Variants in ZNF662 observed in about 807,000 individuals in gnomAD.
ZNF662 encodes zinc finger protein 662.
A neutral mutation model predicts 12.4 loss-of-function variants in ZNF662; 14 were observed. That is an observed-to-expected ratio of 1.13 (90% CI 0.75 to 1.77). The LOEUF is 1.77. Among genes scored for constraint, ZNF662 ranks in the 40% most tolerant of loss-of-function variants. ZNF662 has a pLI of 0.00. For missense variants in ZNF662, 550 were observed against 515.6 expected (o/e 1.07, Z -0.65); for synonymous variants, 184 against 176.4 (o/e 1.04, Z -0.34).
intron 4 of ZNF662, among the ~76,000 whole-genome samples, 183 bp downstream of exon 4, chr3:42,913,485 A>G (rs891828096): frequency 5.9e-5 from 9 of 152,220 alleles, no homozygotes; most frequent in African/African-American, 1.4e-4. Flanking sequence ...GACAAGCTCA[A>G]TTAATTAAAT....
chr3:42,911,846 C>T (rs548192438), intron 3 of ZNF662, among the ~76,000 whole-genome samples: 1 of 152,146 alleles, frequency 6.6e-6, no homozygotes, highest in African/African-American at 2.4e-5. Context: ...CATAGAGAGA[C>T]CCCATCCATT....
In ZNF662 at chr3:42,918,291, G is replaced by T. The variant is rs1559384030; in HGVS notation, c.*2937G>T. On this transcript the variant is annotated 3_prime_UTR_variant, in exon 5 of 5. Coordinates refer to ENST00000440367, the MANE Select transcript of ZNF662 (RefSeq NM_207404.4). The stretch of plus-strand genomic sequence containing the variant: ...ACAGGGACACATTGAAAAGTGAGGA[G>T]GGCAGAATTTATTAAGTGAAAAGGA... Among the ~76,000 whole-genome samples the T allele has an allele frequency of 6.6e-6, 1 of 152,106 alleles. No individual in the cohort carries two copies. Among genetic ancestry groups the T allele is most frequent in the Non-Finnish European group, 1.5e-5 (1 of 68,032 alleles).
Position 42,915,431 on chromosome 3 carries a change from C to A in ZNF662, c.*77C>A. ...AGAGACAAAATGAGATGACCATTCA[C>A]AATTTGCTGTAACCCTTAACTTAAA... On this transcript the variant is annotated 3_prime_UTR_variant, in exon 5 of 5. Coordinates refer to ENST00000440367, the MANE Select transcript of ZNF662 (RefSeq NM_207404.4). 7.2e-7 allele frequency: 1 copy of A among 1,389,160 alleles called. No homozygotes were observed. The highest frequency in any genetic ancestry group is 9.8e-7 in the Non-Finnish European group (1 of 1,024,392). 86.1% of individuals were successfully genotyped at this position (1,389,160 alleles called of 1,614,324 possible).
chr3:42,913,236 C>T lies in ZNF662; in HGVS notation c.187C>T (p.Pro63Ser). 6.2e-7 allele frequency: 1 copy of T among 1,614,084 alleles called. No homozygotes were observed. The highest frequency in any genetic ancestry group is 1.1e-5 in the South Asian group (1 of 91,082). ...TCTAAAGCCTGCTGGGATTTCCCAT[C>T]CTGAGCAGGTGGAAGAGCCATTAAA... The part of the protein sequence containing the change: ...PFLKPAGISH[P>S]EQVEEPLNLK... Residue 63 changes from proline to serine, a missense_variant, in exon 4 of 5, where the codon CCT becomes TCT. By Grantham distance (74) the Pro-to-Ser change is moderately conservative. Transcript: ENST00000440367.
At chr3:42,909,861 A>C (rs2088754065) in intron 3 of ZNF662, among the ~76,000 whole-genome samples, 1 of 144,418 alleles carries the variant, frequency 6.9e-6, no homozygotes, top group South Asian at 2.3e-4. Context: ...CGCTCTTCAC[A>C]TCTCAGATGG....
At position 42,919,253 on chromosome 3, in the gene ZNF662, T is replaced by A. The variant is rs1221696086; in HGVS notation, c.*3899T>A. On this transcript the variant is annotated 3_prime_UTR_variant, in exon 5 of 5. Coordinates refer to ENST00000440367, the MANE Select transcript of ZNF662 (RefSeq NM_207404.4). ...TGACAAATATATAAGTCTTGAAACA[T>A]AATTTCTCTCCAGTTCTCATTTTTG... Among the ~76,000 whole-genome samples, 1 of 152,232 alleles carries A rather than the reference T, an allele frequency of 6.6e-6. No individual in the cohort carries two copies. Among genetic ancestry groups the A allele is most frequent in the African/African-American group, 2.4e-5 (1 of 41,466 alleles).
chr3:42,909,793 G>C (rs898647075), intron 3 of ZNF662, among the ~76,000 whole-genome samples: 2 of 150,396 alleles, frequency 1.3e-5, no homozygotes, highest in African/African-American at 5.0e-5. Context: ...CCCAGATGGC[G>C]TGGCGGCGGG....
rs2088908654 is a variant in ZNF662, at chr3:42,917,685, T to C, written c.*2331T>C. On this transcript the variant is annotated 3_prime_UTR_variant, in exon 5 of 5. Transcript: ENST00000440367. ...GTTATTTGCAACTTAGCCACACTAA[T>C]ACTGTTTTGTGTTTGAAATCACTGT... 9.5e-6 allele frequency: 6 copies of C among 634,526 alleles called. No individual in the cohort carries two copies. The highest frequency in any genetic ancestry group is 2.7e-5 in the Admixed American group (1 of 36,930). The allele number at this position is 634,526 out of a possible 1,614,324, so 39.3% of individuals were successfully genotyped here. A position where few individuals can be genotyped will look rare whatever the true frequency, so the allele number is the denominator to read the frequency against.
rs1193501147 is a variant in ZNF662, at chr3:42,915,073, T to A, written c.1000T>A (p.Cys334Ser). ...RMHTGEKPYE[C>S]KDCGKGFMWN... Reference sequence around the variant, plus strand: ...GCACACTGGGGAGAAGCCTTACGAATGTAAGGACTGTGGGAAGGGCTTCAT... The same window carrying A: ...GCACACTGGGGAGAAGCCTTACGAAAGTAAGGACTGTGGGAAGGGCTTCAT... Residue 334 changes from cysteine to serine, a missense_variant, in exon 5 of 5, where the codon TGT (cysteine) becomes AGT (serine). Coordinates refer to ENST00000440367, the MANE Select transcript of ZNF662 (RefSeq NM_207404.4). 5.6e-6 allele frequency: 9 copies of A among 1,614,160 alleles called. No individual in the cohort carries two copies. The highest frequency in any genetic ancestry group is 7.6e-6 in the Non-Finnish European group (9 of 1,180,026).
Position 42,908,098 on chromosome 3 carries a change from C to T in ZNF662, c.-17C>T. The T allele has an allele frequency of 1.2e-6, 2 of 1,614,164 alleles. No homozygotes were observed. The highest frequency in any genetic ancestry group is 8.5e-7 in the Non-Finnish European group (1 of 1,179,996). On this transcript the variant is annotated 5_prime_UTR_variant, in exon 2 of 5. Transcript: ENST00000440367. The stretch of plus-strand genomic sequence containing the variant: ...ATCGGCCTGGGCCCTGCTCAGAGAG[C>T]CCTGTACAGGGATGTGATGCTGGAG...
chr3:42,918,962 G>A lies in ZNF662; in HGVS notation c.*3608G>A, dbSNP rs115783067. 3.5e-3 allele frequency among the ~76,000 whole-genome samples: 537 copies of A among 152,246 alleles called. 2 individuals carry two copies. The highest frequency in any genetic ancestry group is 0.012 in the African/African-American group (511 of 41,524). On this transcript the variant is annotated 3_prime_UTR_variant, in exon 5 of 5. Transcript: ENST00000440367. ...ATGCCTGCTAAGATTGGGGTGTTTG[G>A]GGCTTGGCTTTCGTTAGCTCCCTTG...
chr3:42,912,380 A>ATATATATAATATATATTTATATAT (rs1559381226), intron 3 of ZNF662, among the ~76,000 whole-genome samples: 9 of 99,654 alleles, frequency 9.0e-5, no homozygotes, highest in African/African-American at 3.7e-4. Context: ...GATATATTAA[A>ATATATATAATATATATTTATATAT]TATATATAAT....
rs2088688639 is a variant in ZNF662, at chr3:42,906,844, G to T, written c.-94+676G>T. Among the ~76,000 whole-genome samples, 1 of 152,188 alleles carries T rather than the reference G, an allele frequency of 6.6e-6. No homozygotes were observed. Among genetic ancestry groups the T allele is most frequent in the Non-Finnish European group, 1.5e-5 (1 of 68,028 alleles). ...ACAGAACAGGGTGAGGAAAGAGTTT[G>T]GTTTCCCAATGCAATGGTGAGAGGA... On this transcript the variant is annotated intron_variant, in intron 1 of 4. Transcript: ENST00000440367. The surrounding 1 kb of genome is among the most constrained non-coding windows in gnomAD (Gnocchi z 4.4).
rs1306835897 is a variant in ZNF662, at chr3:42,914,691, CT to C, written c.621del (p.Phe207LeufsTer39). ...GCAAGTGTTTTGATCAAAATGAGGA[CT>C]TTGATCAACACCAGAAAACTCATAA... is the stretch of plus-strand genomic sequence containing the variant. ...CGKCFDQNED[F>X]DQHQKTHNGE... On this transcript the variant is annotated frameshift_variant, in exon 5 of 5. Coordinates refer to ENST00000440367, the MANE Select transcript of ZNF662 (RefSeq NM_207404.4). LOFTEE classifies it low-confidence loss of function (END_TRUNC). 1.2e-6 allele frequency: 2 copies of C among 1,614,018 alleles called. No homozygotes were observed. The highest frequency in any genetic ancestry group is 1.7e-6 in the Non-Finnish European group (2 of 1,180,032).
intron 3 of ZNF662, among the ~76,000 whole-genome samples, chr3:42,912,224 TAAAA>T (rs1184977083): frequency 1.5e-5 from 2 of 135,456 alleles, no homozygotes; most frequent in South Asian, 2.1e-4. Context: ...ATCATATAAA[TAAAA>T]TATATATAAA....
Position 42,908,148 on chromosome 3 carries a change from G to C in ZNF662, c.34G>C (p.Ala12Pro), listed in dbSNP as rs769032131. Residue 12 changes from alanine (A) to proline (P), a missense_variant and splice_region_variant, in exon 2 of 5, where the codon GCA becomes CCA. Coordinates refer to ENST00000440367, the MANE Select transcript of ZNF662 (RefSeq NM_207404.4). The part of the protein sequence containing the change: ...LENYGAVASL[A>P]AFPFPKPALI... ...GAATTATGGGGCTGTGGCTTCCCTG[G>C]GTAAGGGTCTCTCCCTTTGGGCCCT... The C allele has an allele frequency of 6.2e-7, 1 of 1,612,524 alleles. No homozygotes were observed. The highest frequency in any genetic ancestry group is 2.2e-5 in the East Asian group (1 of 44,850).
At chr3:42,909,746 C>A (rs1357719853) in intron 3 of ZNF662, among the ~76,000 whole-genome samples, 1 of 147,818 alleles carries the variant, frequency 6.8e-6, no homozygotes, top group African/African-American at 2.6e-5. Flanking sequence ...CTCCTCACAT[C>A]TCAGACGGGG....
chr3:42,908,774 C>G lies in ZNF662; in HGVS notation c.35-19C>G. ...GTGCCATGCCACTCACCTGCCTGTC[C>G]CATTTCTTTCCTTTTAAGCAGCATT... On this transcript the variant is annotated intron_variant, in intron 2 of 4. Transcript: ENST00000440367. 6.2e-7 allele frequency: 1 copy of G among 1,610,668 alleles called. No individual in the cohort carries two copies. The highest frequency in any genetic ancestry group is 8.5e-7 in the Non-Finnish European group (1 of 1,177,046).
At chr3:42,910,959 C>T (rs9311329) in intron 3 of ZNF662, among the ~76,000 whole-genome samples, 143,208 of 152,262 alleles carry the variant, frequency 0.94, 67,650 homozygotes, top group East Asian at 1. Flanking sequence ...TTGATCAGAA[C>T]TACATTCTCT....
Sources: gnomAD v4.1 joint callset for allele counts (sites outside exome capture counted in the v4.1 genomes callset) on GRCh38, gnomAD v4.1.1 for gene constraint, Gnocchi (gnomAD v3.1) non-coding constraint, MANE v1.5 for transcripts, NCBI Gene and HGNC (gene_info 2026-07-23, HGNC 2026-07-21) for gene names.